The following GLT1D1 variants were observed in gnomAD, a reference collection of about 807,000 sequenced individuals.
GLT1D1 encodes glycosyltransferase 1 domain containing 1.
GLT1D1 carries 21 observed loss-of-function variants against 28.7 expected under a neutral mutation model. The ratio of observed to expected loss-of-function variants is 0.73; its 90% CI spans 0.52 to 1.05. GLT1D1 has a LOEUF of 1.05. GLT1D1 is among the 50% of genes least tolerant of loss of function. The pLI, the probability that GLT1D1 is intolerant of heterozygous loss-of-function variation, is 0.00. For missense variants in GLT1D1, 343 were observed against 330.6 expected (o/e 1.04, Z -0.29); for synonymous variants, 147 against 124.8 (o/e 1.18, Z -1.19).
At chr12:128,864,643 T>TGGGGGAGGAGA (rs1956470948) in intron 1 of GLT1D1, among the ~76,000 whole-genome samples, 3 of 152,140 alleles carry the variant, frequency 2.0e-5, no homozygotes, top group Non-Finnish European at 4.4e-5. Flanking sequence ...GAGTAGAGCC[T>TGGGGGAGGAGA]GATTCGGGGA....
intron 4 of GLT1D1, among the ~76,000 whole-genome samples, chr12:128,927,825 C>T (rs1460040478): frequency 6.7e-6 from 1 of 150,156 alleles, no homozygotes; most frequent in Non-Finnish European, 1.5e-5. Context: ...ATGGTGAAAC[C>T]CCCATCTCTA....
At chr12:128,971,270 T>C (rs952150263) in intron 7 of GLT1D1, among the ~76,000 whole-genome samples, 6 of 150,706 alleles carry the variant, frequency 4.0e-5, no homozygotes, top group Non-Finnish European at 5.9e-5. Context: ...GGCTTAGAAA[T>C]TGTCTTTCTT....
At chr12:128,981,169 T>A (rs1037062722) in intron 7 of GLT1D1, among the ~76,000 whole-genome samples, 2 of 152,230 alleles carry the variant, frequency 1.3e-5, no homozygotes, top group African/African-American at 4.8e-5. Context: ...CGTTGCTTAC[T>A]CATAACCCCC....
At chr12:128,944,338 C>G in intron 4 of GLT1D1, 1 of 765,276 alleles carries the variant, frequency 1.3e-6, no homozygotes, top group Non-Finnish European at 2.3e-6. Context: ...TCCACAGGGC[C>G]AAATCTTGTT....
rs373377410 is a variant in GLT1D1 at position 128,908,881 on chromosome 12, A to G, written c.375+9594A>G. Among the ~76,000 whole-genome samples, 515 of 152,204 alleles carry G rather than the reference A, an allele frequency of 3.4e-3. 1 individual carries two copies. The highest frequency in any genetic ancestry group is 8.9e-3 in the East Asian group (46 of 5,176). On this transcript the variant is annotated intron_variant, in intron 4 of 7. Coordinates refer to ENST00000281703, the MANE Select transcript of GLT1D1 (RefSeq NM_144669.3). ...GGAGAATGGCGTGAACCCGGGAGGCAGAGCTTGCAGTGAGCCGAGATCGCG... is the reference window on the plus strand; with the variant it reads ...GGAGAATGGCGTGAACCCGGGAGGCGGAGCTTGCAGTGAGCCGAGATCGCG...
intron 4 of GLT1D1, chr12:128,930,513 A>C (rs1353324234): frequency 6.6e-6 from 1 of 152,264 alleles, no homozygotes; most frequent in South Asian, 2.1e-4. Flanking sequence ...GTGCAAGTGC[A>C]TGCGACTAGC....
rs187593738 is a variant in GLT1D1 at position 128,869,866 on chromosome 12, T to C, written c.69-6048T>C. Among the ~76,000 whole-genome samples, 414 of 152,260 alleles carry C rather than the reference T, an allele frequency of 2.7e-3. 4 individuals are homozygous for C. Among genetic ancestry groups the C allele is most frequent in the Non-Finnish European group, 2.7e-3 (187 of 68,028 alleles). ...TGACATTTGAGTTCAAGACACTTCC[T>C]GATCTAGTCACTTTGCCTGTTAGGT... On this transcript the variant is annotated intron_variant, in intron 1 of 7. Transcript: ENST00000281703.
intron 7 of GLT1D1, among the ~76,000 whole-genome samples, chr12:128,958,804 C>T (rs2135517686): frequency 8.2e-6 from 1 of 121,218 alleles, no homozygotes. Context: ...ACGTATGCCT[C>T]TTGTTAGGCA....
intron 4 of GLT1D1, among the ~76,000 whole-genome samples, chr12:128,943,407 G>C (rs1469741264): frequency 1.3e-5 from 2 of 151,538 alleles, no homozygotes; most frequent in Non-Finnish European, 2.9e-5. Flanking sequence ...TATCAGGGCG[G>C]ATCATACATT....
chr12:128,857,056 C>A (rs1956242231), intron 1 of GLT1D1, among the ~76,000 whole-genome samples: 1 of 152,200 alleles, frequency 6.6e-6, no homozygotes, highest in East Asian at 1.9e-4. Flanking sequence ...GGAAATATTA[C>A]CTGTTATTTA....
At chr12:128,934,755 A>G (rs1174645670) in intron 4 of GLT1D1, among the ~76,000 whole-genome samples, 2 of 152,236 alleles carry the variant, frequency 1.3e-5, no homozygotes, top group Admixed American at 1.3e-4. Context: ...CAGAACCAAG[A>G]CATTCCAGAG....
At chr12:128,948,384 C>G (rs1876346598) in intron 6 of GLT1D1, among the ~76,000 whole-genome samples, 1 of 152,200 alleles carries the variant, frequency 6.6e-6, no homozygotes, top group African/African-American at 2.4e-5. Context: ...TGGGCTCACT[C>G]ACACCAACGC....
At chr12:128,970,407 G>T (rs970085112) in intron 7 of GLT1D1, among the ~76,000 whole-genome samples, 1 of 152,198 alleles carries the variant, frequency 6.6e-6, no homozygotes, top group Non-Finnish European at 1.5e-5. Context: ...TGCACTCCCG[G>T]ACCGAGGGGC....
chr12:128,908,378 CTTTCTCTTTCTT>C (rs1871138189), intron 4 of GLT1D1, among the ~76,000 whole-genome samples: 1 of 53,150 alleles, frequency 1.9e-5, no homozygotes, highest in African/African-American at 6.2e-5. Flanking sequence ...TCTTTCTTTT[CTTTCTCTTTCTT>C]TCTCTCTCTC....
At chr12:128,888,813 A>G (rs1377906512) in intron 3 of GLT1D1, 69 bp downstream of exon 3, 1 of 1,032,662 alleles carries the variant, frequency 9.7e-7, no homozygotes, top group Non-Finnish European at 1.5e-6. Context: ...TTGAAACCAA[A>G]GACCGAGGGC....
intron 4 of GLT1D1, among the ~76,000 whole-genome samples, chr12:128,934,051 C>T (rs1874236423): frequency 6.6e-6 from 1 of 152,166 alleles, no homozygotes; most frequent in African/African-American, 2.4e-5. Context: ...CAGCCCATGT[C>T]TTTCTCTGTT....
intron 3 of GLT1D1, among the ~76,000 whole-genome samples, chr12:128,895,735 A>G (rs1026910344): frequency 6.6e-6 from 1 of 152,108 alleles, no homozygotes; most frequent in African/African-American, 2.4e-5. Flanking sequence ...CTGAGATTAC[A>G]GGCGTGAACC....
intron 2 of GLT1D1, among the ~76,000 whole-genome samples, chr12:128,882,715 G>A (rs898402506): frequency 2.6e-5 from 4 of 152,124 alleles, no homozygotes; most frequent in East Asian, 1.9e-4. Context: ...CATGCATACC[G>A]ATCCATCGTT....
intron 6 of GLT1D1, among the ~76,000 whole-genome samples, chr12:128,952,274 G>A (rs1216019782): frequency 6.6e-6 from 1 of 151,878 alleles, no homozygotes; most frequent in African/African-American, 2.4e-5. Context: ...TGGCGGGGAT[G>A]TGCTCAGGGA....
Sources: gnomAD v4.1 joint callset for allele counts (sites outside exome capture counted in the v4.1 genomes callset) on GRCh38, gnomAD v4.1.1 for gene constraint, MANE v1.5 for transcripts, NCBI Gene and HGNC (gene_info 2026-07-23, HGNC 2026-07-21) for gene names.